Variants in EDC3 observed in about 807,000 individuals in gnomAD.
EDC3 encodes enhancer of mRNA-decapping protein 3.
In EDC3, 20 loss-of-function variants were observed where a neutral mutation model predicts 41.8. The ratio of observed to expected loss-of-function variants is 0.48; its 90% CI spans 0.34 to 0.70. The LOEUF is 0.70. Ranked by LOEUF, EDC3 falls within the 30% of genes least tolerant of loss-of-function variation. The pLI, the probability that EDC3 is intolerant of heterozygous loss-of-function variation, is 0.01. For synonymous variants in EDC3, 206 were observed against 243.2 expected (o/e 0.85, Z 1.42); for missense variants, 444 against 636.8 (o/e 0.70, Z 3.26).
intron 5 of EDC3, 77 bp downstream of exon 5, chr15:74,640,389 A>G: frequency 6.6e-7 from 1 of 1,509,514 alleles, no homozygotes; most frequent in Non-Finnish European, 9.1e-7. Context: ...GTATGTGTGT[A>G]TGGGAGGCAC....
intron 3 of EDC3, among the ~76,000 whole-genome samples, chr15:74,668,729 T>TGAAAGAAAGACAGAAAGAAA (rs2062705692): frequency 7.1e-6 from 1 of 140,236 alleles, no homozygotes; most frequent in Admixed American, 7.5e-5. Context: ...CAAAAATGAA[T>TGAAAGAAAGACAGAAAGAAA]GAAAGAAAGA....
chr15:74,657,077 C>T (rs2062558468), intron 3 of EDC3, among the ~76,000 whole-genome samples: 1 of 152,250 alleles, frequency 6.6e-6, no homozygotes, highest in Non-Finnish European at 1.5e-5. Context: ...GGACACTGGA[C>T]AAAAGCTCAG....
intron 4 of EDC3, 101 bp downstream of exon 4, chr15:74,655,632 T>C (rs920681952): frequency 8.3e-7 from 1 of 1,200,940 alleles, no homozygotes; most frequent in Non-Finnish European, 1.1e-6. Flanking sequence ...CTTAAATTAA[T>C]TCCTAGTGTG....
At chr15:74,638,158 T>G (rs1393067532) in intron 5 of EDC3, 3 of 152,220 alleles carry the variant, frequency 2.0e-5, no homozygotes, top group East Asian at 1.9e-4. Context: ...TGCCTTCTTC[T>G]TCATCCTTCT....
rs367953733 is a variant in EDC3 at position 74,632,791 on chromosome 15, C to T, written c.1348G>A (p.Glu450Lys). ...GACCATTTGGCATCAATGCCCTGTT[C>T]GACTTCATGCACAGGAGGGTCTATG... ...LSIDPPVHEV[E>K]QGIDAKWSLA... Residue 450 changes from glutamate (E) to lysine (K), a missense_variant, in exon 7 of 7, where the codon GAA (glutamate) becomes AAA (lysine). Transcript: ENST00000315127. This position sits in a 1 kb window ranked among gnomAD's most constrained non-coding sequence, Gnocchi z 4.0. 30 of 1,614,122 alleles carry T rather than the reference C, an allele frequency of 1.9e-5. No homozygotes were observed. In the East Asian group the frequency reaches 2.2e-4, roughly 12 times the overall value.
chr15:74,634,294 T>C (rs2062245590), intron 6 of EDC3, among the ~76,000 whole-genome samples: 2 of 152,190 alleles, frequency 1.3e-5, no homozygotes, highest in South Asian at 4.1e-4. Context: ...CCTGGTTTTC[T>C]TCCTCCCTCA....
intron 1 of EDC3, among the ~76,000 whole-genome samples, chr15:74,695,075 G>A (rs921187215): frequency 3.9e-5 from 6 of 152,096 alleles, no homozygotes; most frequent in African/African-American, 1.4e-4. Context: ...ACAGCAGACT[G>A]AAATCGGTTT....
At chr15:74,680,180 G>A (rs1269482620) in intron 1 of EDC3, among the ~76,000 whole-genome samples, 1 of 149,342 alleles carries the variant, frequency 6.7e-6, no homozygotes, top group Non-Finnish European at 1.5e-5. Context: ...AGAATGATGG[G>A]AACCCAGGAG....
At chr15:74,688,983 T>G (rs1415855199) in intron 1 of EDC3, among the ~76,000 whole-genome samples, 5 of 152,124 alleles carry the variant, frequency 3.3e-5, no homozygotes, top group African/African-American at 4.8e-5. Flanking sequence ...TTCTTTCTCA[T>G]AGCTGTGCTG....
intron 4 of EDC3, among the ~76,000 whole-genome samples, chr15:74,647,780 G>A (rs2062433812): frequency 6.6e-6 from 1 of 152,192 alleles, no homozygotes; most frequent in Non-Finnish European, 1.5e-5. Context: ...AGGGAAGTCT[G>A]CCTGCTGGAG....
chr15:74,647,933 T>A (rs987723323), intron 4 of EDC3, among the ~76,000 whole-genome samples: 2 of 152,166 alleles, frequency 1.3e-5, no homozygotes, highest in African/African-American at 2.4e-5. Flanking sequence ...CAGAATAACA[T>A]CCTTGTGGCA....
At chr15:74,661,293 C>A (rs2062617128) in intron 3 of EDC3, among the ~76,000 whole-genome samples, 1 of 152,192 alleles carries the variant, frequency 6.6e-6, no homozygotes, top group East Asian at 1.9e-4. Context: ...TCAAGAAGGT[C>A]ATTCCAAACA....
chr15:74,683,879 A>G (rs901289827), intron 1 of EDC3, among the ~76,000 whole-genome samples: 3 of 152,056 alleles, frequency 2.0e-5, no homozygotes, highest in African/African-American at 7.2e-5. Context: ...CAAAACAATT[A>G]CAGCTAACAT....
At chr15:74,694,819 GAC>G (rs1211436457) in intron 1 of EDC3, among the ~76,000 whole-genome samples, 1 of 152,154 alleles carries the variant, frequency 6.6e-6, no homozygotes, top group Non-Finnish European at 1.5e-5. Context: ...AAAATTTTGA[GAC>G]ACTTTTCTAG....
intron 3 of EDC3, 73 bp from the exon 4 acceptor site, chr15:74,656,141 C>T: frequency 4.4e-6 from 6 of 1,377,194 alleles, no homozygotes; most frequent in Non-Finnish European, 4.0e-6. Context: ...ATACATTAGT[C>T]TTTTGTGGAG....
At chr15:74,692,742 A>G (rs1340168531) in intron 1 of EDC3, 1 of 152,242 alleles carries the variant, frequency 6.6e-6, no homozygotes, top group Non-Finnish European at 1.5e-5. Flanking sequence ...TGTATTTCTT[A>G]CAGTCTTTGT....
chr15:74,672,113 A>G (rs912848777), intron 2 of EDC3, among the ~76,000 whole-genome samples: 4 of 151,362 alleles, frequency 2.6e-5, no homozygotes, highest in African/African-American at 7.3e-5. Context: ...TACAAAAAAA[A>G]AAAAAATTAG....
chr15:74,684,017 T>G (rs1247711048), intron 1 of EDC3, among the ~76,000 whole-genome samples: 2 of 151,714 alleles, frequency 1.3e-5, no homozygotes, highest in African/African-American at 2.4e-5. Flanking sequence ...ATTGTACCAC[T>G]GCACTCCAGC....
At chr15:74,695,374 A>C (rs1305585139) in intron 1 of EDC3, 1 of 152,228 alleles carries the variant, frequency 6.6e-6, no homozygotes, top group Non-Finnish European at 1.5e-5. Flanking sequence ...ACTTGCATCA[A>C]AGGCAGAAAT....
Sources: allele counts gnomAD v4.1 joint callset (sites outside exome capture counted in the v4.1 genomes callset), GRCh38; gene constraint gnomAD v4.1.1; non-coding constraint Gnocchi (gnomAD v3.1); transcripts MANE v1.5; gene names NCBI Gene and HGNC (gene_info 2026-07-23, HGNC 2026-07-21).